Variants in ADK observed in about 807,000 individuals in gnomAD.
The protein encoded by ADK is N6,N6-dimethyladenosine kinase.
Under a neutral mutation model 44.7 loss-of-function variants are expected in ADK, and 24 were observed. That is an observed-to-expected ratio of 0.54 (90% CI 0.39 to 0.76). The LOEUF (loss-of-function observed/expected upper bound fraction) is 0.76. Among genes scored for constraint, ADK ranks in the 30% least tolerant of loss-of-function variants. ADK has a pLI of 0.00. For synonymous variants in ADK, 128 were observed against 142.6 expected, an observed-to-expected ratio of 0.90 and a Z score of 0.73; for missense variants, 321 against 425.1, an observed-to-expected ratio of 0.76 and a Z score of 2.15.
chr10:74,613,899 T>C (rs1852647826), intron 9 of ADK, among the ~76,000 whole-genome samples: 1 of 152,156 alleles, frequency 6.6e-6, no homozygotes, highest in Non-Finnish European at 1.5e-5. Flanking sequence ...AGATTGGTGA[T>C]GGTAAAGATA....
chr10:74,177,943 A>ATTT lies in ADK; in HGVS notation c.66-22820_66-22819insTTT, dbSNP rs71475261. 7.4e-4 allele frequency among the ~76,000 whole-genome samples: 42 copies of ATTT among 56,842 alleles called. 1 individual carries two copies. The highest frequency in any genetic ancestry group is 1.9e-3 in the African/African-American group (36 of 18,758). 37.3% of individuals were successfully genotyped at this position (56,842 alleles called of 152,430 possible). ...CATAATTATATATATATATATATAT[A>ATTT]TATTTTTTTTTTTTTGAGACAGAGT... On this transcript the variant is annotated intron_variant, in intron 1 of 10. Transcript: ENST00000539909.
At chr10:74,659,540 C>CTA (rs1854617559) in intron 9 of ADK, among the ~76,000 whole-genome samples, 1 of 152,176 alleles carries the variant, frequency 6.6e-6, no homozygotes, top group Non-Finnish European at 1.5e-5. Context: ...ACCTGAATCT[C>CTA]CTATACTCAA....
At chr10:74,296,135 G>T (rs1592002342) in intron 3 of ADK, among the ~76,000 whole-genome samples, 2 of 137,624 alleles carry the variant, frequency 1.5e-5, no homozygotes, top group South Asian at 2.3e-4. Flanking sequence ...CCCTACAGTT[G>T]TTTTTAAAAA....
rs1847376206 is a variant in ADK at position 74,290,550 on chromosome 10, A to G, written c.195-24117A>G. On this transcript the variant is annotated intron_variant, in intron 3 of 10. Coordinates refer to ENST00000539909, the MANE Select transcript of ADK (RefSeq NM_006721.4). The stretch of plus-strand genomic sequence containing the variant: ...CTTTTGTTATTTGTGACCAGTATTC[A>G]TCTAGTAAGATGTTAAATGCTTTTA... 2.6e-5 allele frequency among the ~76,000 whole-genome samples: 4 copies of G among 152,134 alleles called. No homozygotes were observed. In the South Asian group the frequency reaches 8.3e-4, roughly 32 times the overall value.
intron 10 of ADK, among the ~76,000 whole-genome samples, chr10:74,679,499 A>T (rs1409112213): frequency 6.6e-6 from 1 of 152,038 alleles, no homozygotes; most frequent in Non-Finnish European, 1.5e-5. Flanking sequence ...GCAAGTTTCA[A>T]TGTTCTGTGA....
intron 6 of ADK, among the ~76,000 whole-genome samples, chr10:74,430,322 T>C (rs534428424): frequency 2.0e-5 from 3 of 152,344 alleles, no homozygotes; most frequent in African/African-American, 7.2e-5. Flanking sequence ...GCTCCAAATA[T>C]ATCTGTCACC....
intron 9 of ADK, among the ~76,000 whole-genome samples, chr10:74,648,641 G>A (rs565087952): frequency 6.6e-6 from 1 of 151,774 alleles, no homozygotes; most frequent in Non-Finnish European, 1.5e-5. Flanking sequence ...TCACACCACC[G>A]CACTTCAGCC....
intron 2 of ADK, among the ~76,000 whole-genome samples, chr10:74,208,130 C>A (rs910887687): frequency 2.0e-5 from 3 of 152,216 alleles, no homozygotes; most frequent in African/African-American, 7.2e-5. Context: ...CGAGGAGAGG[C>A]CAGGCATGGG....
At chr10:74,507,864 G>T (rs950293752) in intron 6 of ADK, among the ~76,000 whole-genome samples, 1 of 152,012 alleles carries the variant, frequency 6.6e-6, no homozygotes, top group Non-Finnish European at 1.5e-5. Context: ...ACATATTATG[G>T]GCATTCAAAG....
chr10:74,363,832 G>A (rs567914901), intron 4 of ADK, among the ~76,000 whole-genome samples: 1 of 152,048 alleles, frequency 6.6e-6, no homozygotes, highest in East Asian at 1.9e-4. Context: ...GATCTGCTGT[G>A]GGATGGAGGT....
rs529225691 is a variant in ADK, at chr10:74,222,778, G to A, written c.141-1760G>A. Among the ~76,000 whole-genome samples, 357 of 148,482 alleles carry A rather than the reference G, an allele frequency of 2.4e-3. 1 individual carries two copies. Among genetic ancestry groups the A allele is most frequent in the African/African-American group, 7.7e-3 (310 of 40,346 alleles). ...TCACAAGAACAAAAAACCAAACACC[G>A]CATATTCTCACTCATAGGTGGGAAT... On this transcript the variant is annotated intron_variant, in intron 2 of 10. Transcript: ENST00000539909.
intron 9 of ADK, 93 bp from the exon 10 acceptor site, chr10:74,670,090 T>C: frequency 1.0e-6 from 1 of 961,246 alleles, no homozygotes; most frequent in Non-Finnish European, 1.7e-6. Context: ...CTTTGAATGA[T>C]GAGTGATGAA....
chr10:74,245,599 T>TG (rs1048889640), intron 3 of ADK, among the ~76,000 whole-genome samples: 33 of 151,174 alleles, frequency 2.2e-4, no homozygotes, highest in African/African-American at 5.3e-4. Flanking sequence ...TTTTTGTTTT[T>TG]TTTTTTTTTG....
intron 6 of ADK, among the ~76,000 whole-genome samples, chr10:74,428,713 A>G (rs1844882408): frequency 6.6e-6 from 1 of 152,226 alleles, no homozygotes; most frequent in African/African-American, 2.4e-5. Flanking sequence ...TGTAACATCT[A>G]AGAGGACAGA....
chr10:74,663,126 A>C (rs1280282291), intron 9 of ADK, among the ~76,000 whole-genome samples: 1 of 151,892 alleles, frequency 6.6e-6, no homozygotes. Flanking sequence ...AATCCCAGCT[A>C]AGAGTAGCTG....
intron 6 of ADK, among the ~76,000 whole-genome samples, chr10:74,415,296 A>T (rs1564708923): frequency 1.3e-5 from 2 of 152,230 alleles, no homozygotes. Context: ...ATTTTAGACC[A>T]ATCAGCAGTT....
intron 9 of ADK, among the ~76,000 whole-genome samples, chr10:74,669,203 C>G (rs1855081542): frequency 6.6e-6 from 1 of 151,908 alleles, no homozygotes; most frequent in African/African-American, 2.4e-5. Flanking sequence ...TTTGAAGATT[C>G]TCTATGCTCT....
At chr10:74,192,717 A>C (rs950279804) in intron 1 of ADK, among the ~76,000 whole-genome samples, 16 of 151,778 alleles carry the variant, frequency 1.1e-4, no homozygotes, top group Admixed American at 9.2e-4. Flanking sequence ...TGTAGAGATG[A>C]GGTCTTACTA....
At chr10:74,560,190 A>AT (rs1483441513) in intron 7 of ADK, among the ~76,000 whole-genome samples, 1 of 152,132 alleles carries the variant, frequency 6.6e-6, no homozygotes, top group African/African-American at 2.4e-5. Flanking sequence ...AAGTTCTGGG[A>AT]TTGCAGGCAT....
Sources: allele counts gnomAD v4.1 joint callset (sites outside exome capture counted in the v4.1 genomes callset), GRCh38; gene constraint gnomAD v4.1.1; transcripts MANE v1.5; gene names NCBI Gene and HGNC (gene_info 2026-07-23, HGNC 2026-07-21).